ME3: variants seen among roughly 807,000 people sequenced by gnomAD.
ME3 encodes malic enzyme 3.
A neutral mutation model predicts 68.9 loss-of-function variants in ME3; 48 were observed. The observed-to-expected ratio is 0.70, with a 90% CI of 0.55 to 0.89. The LOEUF (loss-of-function observed/expected upper bound fraction) is 0.89, where lower values mean the gene tolerates loss of function less well. ME3 is among the 40% of genes least tolerant of loss of function. The pLI, the probability that ME3 is intolerant of heterozygous loss-of-function variation, is 0.00. For missense variants in ME3, 675 were observed against 797.4 expected, an observed-to-expected ratio of 0.85 and a Z score of 1.85; for synonymous variants, 320 against 318.8, an observed-to-expected ratio of 1.00 and a Z score of -0.04.
At chr11:86,522,406 G>A (rs1038590863) in intron 4 of ME3, among the ~76,000 whole-genome samples, 1 of 148,336 alleles carries the variant, frequency 6.7e-6, no homozygotes, top group African/African-American at 2.5e-5. Flanking sequence ...TGTGCAGAAT[G>A]TATTGTTACA....
intron 4 of ME3, among the ~76,000 whole-genome samples, chr11:86,555,297 C>A (rs1956873098): frequency 6.6e-6 from 1 of 152,174 alleles, no homozygotes; most frequent in African/African-American, 2.4e-5. Flanking sequence ...ATGAGCTGAT[C>A]TGTGCAGAAA....
At chr11:86,650,106 A>C (rs1433768340) in intron 2 of ME3, among the ~76,000 whole-genome samples, 1 of 152,232 alleles carries the variant, frequency 6.6e-6, no homozygotes, top group East Asian at 1.9e-4. Context: ...GTACCAAAAC[A>C]GATATATAGA....
At chr11:86,579,935 A>G (rs1958340897) in intron 2 of ME3, among the ~76,000 whole-genome samples, 1 of 152,216 alleles carries the variant, frequency 6.6e-6, no homozygotes, top group Non-Finnish European at 1.5e-5. Context: ...AAAATATGGA[A>G]CCTTGGAACT....
At chr11:86,483,890 T>C (rs1345277955) in intron 7 of ME3, among the ~76,000 whole-genome samples, 2 of 152,144 alleles carry the variant, frequency 1.3e-5, no homozygotes, top group Non-Finnish European at 2.9e-5. Context: ...AAAATGTGAA[T>C]GGAAACCATC....
At chr11:86,594,248 GTAT>G (rs1182912756) in intron 2 of ME3, among the ~76,000 whole-genome samples, 1 of 146,714 alleles carries the variant, frequency 6.8e-6, no homozygotes, top group African/African-American at 2.5e-5. Flanking sequence ...CCAATGCTGA[GTAT>G]TATGATTTAA....
At chr11:86,599,358 A>G (rs898496203) in intron 2 of ME3, among the ~76,000 whole-genome samples, 5 of 152,232 alleles carry the variant, frequency 3.3e-5, no homozygotes, top group Non-Finnish European at 4.4e-5. Flanking sequence ...TCAGTGATGG[A>G]AGATGAAATG....
At chr11:86,552,062 T>C (rs11234690) in intron 4 of ME3, among the ~76,000 whole-genome samples, 3,778 of 152,218 alleles carry the variant, frequency 0.025, 168 homozygotes, top group African/African-American at 0.086. Context: ...TTGGGTGGGG[T>C]GACTGAGTAG....
intron 14 of ME3, 124 bp from the exon 15 acceptor site, chr11:86,441,564 A>G: frequency 1.1e-6 from 1 of 922,764 alleles, no homozygotes; most frequent in Non-Finnish European, 1.6e-6. Flanking sequence ...TTTCATGAGT[A>G]TGGCTCATGA....
intron 2 of ME3, among the ~76,000 whole-genome samples, chr11:86,642,625 C>G (rs979683753): frequency 6.6e-6 from 1 of 152,094 alleles, no homozygotes; most frequent in Non-Finnish European, 1.5e-5. Context: ...ATCCCTTAAC[C>G]CTGGGAGGTG....
intron 7 of ME3, among the ~76,000 whole-genome samples, chr11:86,477,183 G>A (rs746310658): frequency 3.9e-5 from 6 of 152,150 alleles, no homozygotes; most frequent in Non-Finnish European, 5.9e-5. Flanking sequence ...TAAGTCACTC[G>A]TTGATAAGTG....
chr11:86,529,100 A>T (rs1364798732), intron 4 of ME3, among the ~76,000 whole-genome samples: 1 of 152,228 alleles, frequency 6.6e-6, no homozygotes, highest in Non-Finnish European at 1.5e-5. Flanking sequence ...CAAAATTGAT[A>T]GACTGCTAGC....
intron 4 of ME3, among the ~76,000 whole-genome samples, chr11:86,555,966 T>C (rs1470068874): frequency 6.6e-6 from 1 of 152,026 alleles, no homozygotes; most frequent in Admixed American, 6.6e-5. Flanking sequence ...CCATTTTTTC[T>C]TTTTTTTAAA....
intron 8 of ME3, among the ~76,000 whole-genome samples, chr11:86,460,332 A>G (rs1276078631): frequency 1.3e-5 from 2 of 152,218 alleles, no homozygotes. Context: ...CGGGCTTCAG[A>G]GGCCCAGCCC....
chr11:86,559,662 A>T, intron 3 of ME3, 28 bp downstream of exon 3: 2 of 1,596,722 alleles, frequency 1.3e-6, no homozygotes, highest in Non-Finnish European at 1.7e-6. Flanking sequence ...CAAGGACCAG[A>T]CAGAGAGAAC....
chr11:86,460,331 G>A (rs143504032), intron 8 of ME3, among the ~76,000 whole-genome samples: 367 of 152,354 alleles, frequency 2.4e-3, no homozygotes, highest in Non-Finnish European at 4.1e-3. Flanking sequence ...TCGGGCTTCA[G>A]AGGCCCAGCC....
At chr11:86,446,843 C>T (rs1949330081) in intron 12 of ME3, 2 of 637,636 alleles carry the variant, frequency 3.1e-6, no homozygotes, top group East Asian at 2.8e-5. Flanking sequence ...GAACCTTGAG[C>T]AGCATAGCAC....
chr11:86,568,013 G>A (rs981655199), intron 2 of ME3, among the ~76,000 whole-genome samples: 1 of 151,820 alleles, frequency 6.6e-6, no homozygotes, highest in Non-Finnish European at 1.5e-5. Context: ...TGATGCTGGG[G>A]CCCTTATTCA....
At chr11:86,644,576 T>G (rs533359484) in intron 2 of ME3, among the ~76,000 whole-genome samples, 1 of 152,216 alleles carries the variant, frequency 6.6e-6, no homozygotes, top group Admixed American at 6.5e-5. Context: ...GTCTCCAGAC[T>G]CTACGTGATA....
At chr11:86,614,658 C>A (rs192668617) in intron 2 of ME3, among the ~76,000 whole-genome samples, 223 of 152,292 alleles carry the variant, frequency 1.5e-3, no homozygotes, top group African/African-American at 5.3e-3. Context: ...CAGGCACCAA[C>A]CAGGTGCCTA....
Sources: gnomAD v4.1 joint callset for allele counts (sites outside exome capture counted in the v4.1 genomes callset) on GRCh38, gnomAD v4.1.1 for gene constraint, MANE v1.5 for transcripts, NCBI Gene and HGNC (gene_info 2026-07-23, HGNC 2026-07-21) for gene names.